The following ARHGAP42 variants were observed in gnomAD, a reference collection of about 807,000 sequenced individuals.
The protein encoded by ARHGAP42 is rho GTPase-activating protein 42.
A neutral mutation model predicts 125.0 loss-of-function variants in ARHGAP42; 63 were observed. The observed-to-expected ratio is 0.50, with a 90% CI of 0.41 to 0.62. ARHGAP42 has a LOEUF of 0.62. Among genes scored for constraint, ARHGAP42 ranks in the 20% least tolerant of loss-of-function variants. The pLI is 0.00. For synonymous variants in ARHGAP42, 339 were observed against 351.0 expected (o/e 0.97, Z 0.38); for missense variants, 766 against 1,024.2 (o/e 0.75, Z 3.44).
chr11:100,912,280 C>T (rs572013223), intron 4 of ARHGAP42, among the ~76,000 whole-genome samples: 1 of 152,280 alleles, frequency 6.6e-6, no homozygotes, highest in African/African-American at 2.4e-5. Flanking sequence ...CCTTCTTTCC[C>T]TTCCACCACC....
chr11:100,870,804 G>A (rs1158646526), intron 4 of ARHGAP42, among the ~76,000 whole-genome samples: 1 of 152,156 alleles, frequency 6.6e-6, no homozygotes, highest in Non-Finnish European at 1.5e-5. Flanking sequence ...ATCATTTGAT[G>A]TTAACCACAA....
chr11:100,974,838 T>G (rs1393141060), intron 19 of ARHGAP42, among the ~76,000 whole-genome samples: 2 of 152,158 alleles, frequency 1.3e-5, no homozygotes, highest in African/African-American at 2.4e-5. Context: ...CCCTTTTTTC[T>G]GCAACTGTGA....
At chr11:100,932,055 C>T (rs1336004471) in intron 6 of ARHGAP42, among the ~76,000 whole-genome samples, 6 of 152,078 alleles carry the variant, frequency 3.9e-5, no homozygotes, top group African/African-American at 7.2e-5. Context: ...AAAATGTTTT[C>T]TGAAATGAAT....
At chr11:100,783,094 A>G (rs937230693) in intron 2 of ARHGAP42, among the ~76,000 whole-genome samples, 9 of 152,122 alleles carry the variant, frequency 5.9e-5, no homozygotes, top group African/African-American at 2.2e-4. Flanking sequence ...CTTTAATTTT[A>G]TGGAGATCCT....
intron 1 of ARHGAP42, among the ~76,000 whole-genome samples, chr11:100,756,723 A>G (rs1215419166): frequency 2.6e-5 from 4 of 152,252 alleles, no homozygotes; most frequent in Non-Finnish European, 5.9e-5. Context: ...CTCTACAGCC[A>G]GACGTAGTTG....
Position 100,741,188 on chromosome 11 carries a change from G to A in ARHGAP42, c.155-29155G>A, listed in dbSNP as rs148503422. Among the ~76,000 whole-genome samples, 137 of 152,104 alleles carry A rather than the reference G, an allele frequency of 9.0e-4. 1 individual carries two copies. The highest frequency in any genetic ancestry group is 2.8e-3 in the African/African-American group (117 of 41,492). Reference sequence around the variant, plus strand: ...GGGGATTACAGGCACCTGCCACCACGCCTGGCTAATTTTTGTATTTTTAGT... The same window carrying A: ...GGGGATTACAGGCACCTGCCACCACACCTGGCTAATTTTTGTATTTTTAGT... On this transcript the variant is annotated intron_variant, in intron 1 of 23. Transcript: ENST00000298815.
At chr11:100,848,910 A>G (rs1865135368) in intron 3 of ARHGAP42, among the ~76,000 whole-genome samples, 3 of 152,136 alleles carry the variant, frequency 2.0e-5, no homozygotes, top group African/African-American at 4.8e-5. Context: ...TTACCTTATT[A>G]TCTGATTGTA....
chr11:100,908,859 C>T (rs948875414), intron 4 of ARHGAP42, among the ~76,000 whole-genome samples: 1 of 152,220 alleles, frequency 6.6e-6, no homozygotes, highest in Non-Finnish European at 1.5e-5. Flanking sequence ...TTTCCACCAG[C>T]AGGGTATAAT....
rs766350267 is a variant in ARHGAP42, at chr11:100,933,197, G to A, written c.639G>A (p.Glu213=). The change falls in exon 7 of 24, where the codon GAG becomes GAA. Residue 213 remains glutamate (E), a synonymous_variant. Coordinates refer to ENST00000298815, the MANE Select transcript of ARHGAP42 (RefSeq NM_152432.4). ...AGGGCTTATTTACTTTTTACCATGA[G>A]GGATATGAACTTGCCCAGGAATTTG... ...FLQGLFTFYH[E]GYELAQEFAP... The A allele has an allele frequency of 2.5e-5, 39 of 1,550,230 alleles. No individual in the cohort carries two copies. In the South Asian group the frequency reaches 4.5e-4, roughly 18 times the overall value.
At chr11:100,735,008 C>T (rs991772747) in intron 1 of ARHGAP42, among the ~76,000 whole-genome samples, 1 of 151,630 alleles carries the variant, frequency 6.6e-6, no homozygotes, top group African/African-American at 2.4e-5. Context: ...AACAAAACAA[C>T]AACAACAACA....
chr11:100,917,370 C>T lies in ARHGAP42; in HGVS notation c.486+3817C>T, dbSNP rs78627566. Among the ~76,000 whole-genome samples, 712 of 152,204 alleles carry T rather than the reference C, an allele frequency of 4.7e-3. 5 individuals are homozygous for T. Among genetic ancestry groups the T allele is most frequent in the African/African-American group, 0.017 (693 of 41,508 alleles). ...TCTTCTACTTTCACATTGTTTATAACATCTGGATGAACATCTCTCAAGGGA... is the reference window on the plus strand; with the variant it reads ...TCTTCTACTTTCACATTGTTTATAATATCTGGATGAACATCTCTCAAGGGA... On this transcript the variant is annotated intron_variant, in intron 5 of 23. Coordinates refer to ENST00000298815, the MANE Select transcript of ARHGAP42 (RefSeq NM_152432.4).
intron 1 of ARHGAP42, among the ~76,000 whole-genome samples, chr11:100,763,041 A>G (rs914920299): frequency 3.0e-5 from 4 of 131,826 alleles, no homozygotes; most frequent in African/African-American, 8.8e-5. Flanking sequence ...GTGCAATGGC[A>G]TGATCTCGGC....
chr11:100,703,809 G>A (rs1200939870), intron 1 of ARHGAP42, among the ~76,000 whole-genome samples: 1 of 152,170 alleles, frequency 6.6e-6, no homozygotes, highest in East Asian at 1.9e-4. Flanking sequence ...CTTCTCAGAA[G>A]TGAAATCAAT....
At chr11:100,968,173 G>C (rs1334140215) in intron 17 of ARHGAP42, among the ~76,000 whole-genome samples, 1 of 152,118 alleles carries the variant, frequency 6.6e-6, no homozygotes, top group African/African-American at 2.4e-5. Flanking sequence ...CTTTCAACCT[G>C]TTTGTATTTC....
chr11:100,958,357 T>A (rs1857861327), intron 12 of ARHGAP42, among the ~76,000 whole-genome samples: 1 of 152,100 alleles, frequency 6.6e-6, no homozygotes, highest in Non-Finnish European at 1.5e-5. Context: ...TTCATTTTTG[T>A]GTGTTGAGTT....
intron 4 of ARHGAP42, among the ~76,000 whole-genome samples, chr11:100,904,790 G>A (rs673183): frequency 0.8 from 121,244 of 152,210 alleles, 48,741 homozygotes; most frequent in East Asian, 1. Flanking sequence ...CATAAGCTCT[G>A]TGACCTTGGT....
intron 4 of ARHGAP42, among the ~76,000 whole-genome samples, chr11:100,892,226 G>A (rs537427242): frequency 2.6e-5 from 4 of 152,308 alleles, no homozygotes; most frequent in African/African-American, 9.6e-5. Flanking sequence ...TATGGATAAT[G>A]AATAGGGAGA....
intron 6 of ARHGAP42, among the ~76,000 whole-genome samples, chr11:100,924,728 A>G (rs1867373686): frequency 1.3e-5 from 2 of 152,116 alleles, no homozygotes; most frequent in African/African-American, 4.8e-5. Flanking sequence ...CTAAAGAAAA[A>G]CTAGGTCTGA....
intron 5 of ARHGAP42, among the ~76,000 whole-genome samples, chr11:100,915,379 C>T (rs1867035801): frequency 6.6e-6 from 1 of 152,130 alleles, no homozygotes; most frequent in Non-Finnish European, 1.5e-5. Flanking sequence ...ATCACCAGTA[C>T]ATCATCATCT....
Sources: gnomAD v4.1 joint callset for allele counts (sites outside exome capture counted in the v4.1 genomes callset) on GRCh38, gnomAD v4.1.1 for gene constraint, MANE v1.5 for transcripts, NCBI Gene and HGNC (gene_info 2026-07-23, HGNC 2026-07-21) for gene names.